The following ZFC3H1 variants were observed in gnomAD, a reference collection of about 807,000 sequenced individuals.
ZFC3H1 encodes the protein zinc finger C3H1-type containing, also known as zinc finger C3H1 domain-containing protein.
Under a neutral mutation model 243.7 loss-of-function variants are expected in ZFC3H1, and 71 were observed. That is an observed-to-expected ratio of 0.29 (90% CI 0.24 to 0.36). The LOEUF (loss-of-function observed/expected upper bound fraction) is 0.36. Ranked by LOEUF, ZFC3H1 falls within the 10% of genes least tolerant of loss-of-function variation. The pLI, the probability that ZFC3H1 is intolerant of heterozygous loss-of-function variation, is 1.00. For synonymous variants in ZFC3H1, 838 were observed against 813.0 expected, an observed-to-expected ratio of 1.03 and a Z score of -0.52; for missense variants, 1,966 against 2,317.1, an observed-to-expected ratio of 0.85 and a Z score of 3.11.
chr12:71,657,395 T>A, intron 1 of ZFC3H1, 94 bp from the exon 2 acceptor site: 1 of 954,450 alleles, frequency 1.0e-6, no homozygotes, highest in Non-Finnish European at 1.5e-6. Flanking sequence ...TCTCCCTTTT[T>A]AATTTTTCAA....
intron 2 of ZFC3H1, among the ~76,000 whole-genome samples, chr12:71,649,581 A>G (rs571955389): frequency 3.9e-5 from 6 of 152,110 alleles, no homozygotes; most frequent in Non-Finnish European, 8.8e-5. Flanking sequence ...CACACACCCT[A>G]TTGTTTTTAT....
rs932738693 is a variant in ZFC3H1 at position 71,631,845 on chromosome 12, T to C, written c.3403A>G (p.Thr1135Ala). 1 of 1,613,798 alleles carries C rather than the reference T, an allele frequency of 6.2e-7. No homozygotes were observed. Among genetic ancestry groups the C allele is most frequent in the Non-Finnish European group, 8.5e-7 (1 of 1,179,806 alleles). The change falls in exon 16 of 35, where the codon ACA (threonine) becomes GCA (alanine). Residue 1135 changes from threonine (T) to alanine (A), a missense_variant. Around this residue, in one of 4 missense-constraint regions of ZFC3H1, gnomAD observed 1,383 missense variants for 1,723.7 expected, o/e 0.80. Coordinates refer to ENST00000378743, the MANE Select transcript of ZFC3H1 (RefSeq NM_144982.5). ...DVDFVTAQSK[T>A]MEVKPCPFRP... ...AAAGGACATGGCTTCACTTCCATTG[T>C]TTTACTTTGTGCTGTGACAAAATCC...
intron 5 of ZFC3H1, 113 bp from the exon 6 acceptor site, chr12:71,642,672 G>GT: frequency 8.1e-7 from 1 of 1,229,686 alleles, no homozygotes; most frequent in Non-Finnish European, 1.1e-6. Context: ...TGGTGATTCA[G>GT]TTAGATGTGC....
intron 7 of ZFC3H1, among the ~76,000 whole-genome samples, chr12:71,637,689 G>A (rs987288527): frequency 3.3e-5 from 5 of 152,092 alleles, no homozygotes; most frequent in Admixed American, 6.5e-5. Context: ...ACATTACAAC[G>A]AAGAAAGTGC....
intron 9 of ZFC3H1, 112 bp from the exon 10 acceptor site, chr12:71,635,692 CT>C: frequency 9.4e-7 from 1 of 1,059,908 alleles, no homozygotes; most frequent in Non-Finnish European, 1.3e-6. Flanking sequence ...ATGGCTCCTT[CT>C]AGGGTTGTAT....
intron 7 of ZFC3H1, 30 bp downstream of exon 7, chr12:71,638,388 T>C (rs372516790): frequency 1.2e-4 from 192 of 1,592,744 alleles, no homozygotes; most frequent in Middle Eastern, 1.7e-4. Flanking sequence ...CAAGACAAAA[T>C]AATTTTCTTA....
chr12:71,615,345 A>C (rs746344179), intron 27 of ZFC3H1, 29 bp from the exon 28 acceptor site: 1 of 1,403,872 alleles, frequency 7.1e-7, no homozygotes, highest in Non-Finnish European at 1.0e-6. Context: ...ATATTGTTTT[A>C]AATTACACCT....
In ZFC3H1 at chr12:71,632,887, C is replaced by T. The variant is rs775005573; in HGVS notation, c.2816G>A (p.Gly939Glu). Residue 939 changes from glycine to glutamate, a missense_variant and splice_region_variant, in exon 14 of 35, where the codon GGG becomes GAG. Coordinates refer to ENST00000378743, the MANE Select transcript of ZFC3H1 (RefSeq NM_144982.5). Reference protein sequence around the residue: ...GKRKLEQDRFGPNKMMRLDSS... With the variant: ...GKRKLEQDRFEPNKMMRLDSS... ...AAAATATTTCTATAAAACCCTCACC[C>T]CAAAGCGATCTTGTTCCAGTTTACG... 5.6e-6 allele frequency: 9 copies of T among 1,611,516 alleles called. No homozygotes were observed. The South Asian group carries it at 1.0e-4, about 18-fold the overall frequency.
chr12:71,647,054 T>C (rs1592599572), intron 3 of ZFC3H1, among the ~76,000 whole-genome samples: 1 of 152,336 alleles, frequency 6.6e-6, no homozygotes, highest in East Asian at 1.9e-4. Flanking sequence ...ATGTGTACGT[T>C]ATATTATCAT....
intron 2 of ZFC3H1, among the ~76,000 whole-genome samples, chr12:71,649,066 G>A (rs184942330): frequency 1.4e-5 from 2 of 146,158 alleles, no homozygotes; most frequent in East Asian, 4.1e-4. Flanking sequence ...ACTCCATCCT[G>A]GGTAACAGAG....
At position 71,610,265 on chromosome 12, in the gene ZFC3H1, T is replaced by C. The variant is rs1427559659; in HGVS notation, c.*163A>G. On this transcript the variant is annotated 3_prime_UTR_variant, in exon 35 of 35. Transcript: ENST00000378743. The stretch of plus-strand genomic sequence containing the variant: ...ATCCAACCGAAGAGGATCATGTTCA[T>C]TGCTTCCGGTTTTGAGGACAGGATA... 3 of 812,238 alleles carry C rather than the reference T, an allele frequency of 3.7e-6. No homozygotes were observed. The highest frequency in any genetic ancestry group is 3.8e-6 in the Non-Finnish European group (2 of 532,808). 50.3% of individuals were successfully genotyped at this position (812,238 alleles called of 1,614,324 possible).
rs1555179527 is a variant in ZFC3H1 at position 71,627,949 on chromosome 12, A to G, written c.3947-15T>C. On this transcript the variant is annotated splice_polypyrimidine_tract_variant and intron_variant, in intron 20 of 34. Transcript: ENST00000378743. Reference sequence around the variant, plus strand: ...TGGCTGGAAAGCTATTTAAAAAAAAAGTATTATTAGCTTCACATTTTCTTT... The same window carrying G: ...TGGCTGGAAAGCTATTTAAAAAAAAGGTATTATTAGCTTCACATTTTCTTT... The G allele has an allele frequency of 2.5e-6, 4 of 1,606,144 alleles. No individual in the cohort carries two copies. The highest frequency in any genetic ancestry group is 2.2e-5 in the South Asian group (2 of 89,366).
chr12:71,625,119 T>TA (rs147747974), intron 22 of ZFC3H1, among the ~76,000 whole-genome samples: 1,698 of 151,710 alleles, frequency 0.011, 26 homozygotes, highest in African/African-American at 0.038. Context: ...TGCTCTAGGT[T>TA]AAAAAAAAAT....
chr12:71,654,981 TAAAGCAA>T (rs1325425796), intron 2 of ZFC3H1, among the ~76,000 whole-genome samples: 1 of 152,090 alleles, frequency 6.6e-6, no homozygotes, highest in Non-Finnish European at 1.5e-5. Flanking sequence ...TCAAAGTATT[TAAAGCAA>T]AAAGTAAAAA....
chr12:71,624,036 T>C (rs1253130143), intron 23 of ZFC3H1, 68 bp downstream of exon 23: 5 of 1,422,720 alleles, frequency 3.5e-6, no homozygotes, highest in South Asian at 1.4e-5. Flanking sequence ...AATAATGCTA[T>C]GGATAACGGT....
At chr12:71,649,346 C>A (rs1201224136) in intron 2 of ZFC3H1, among the ~76,000 whole-genome samples, 1 of 152,172 alleles carries the variant, frequency 6.6e-6, no homozygotes, top group Non-Finnish European at 1.5e-5. Flanking sequence ...TCAGGTAACA[C>A]TCCTTGTTTT....
intron 24 of ZFC3H1, among the ~76,000 whole-genome samples, chr12:71,621,592 C>G (rs949256410): frequency 2.6e-5 from 4 of 152,088 alleles, no homozygotes; most frequent in African/African-American, 9.7e-5. Context: ...AGATGTGAGG[C>G]ACCACGCACG....
rs771475334 is a variant in ZFC3H1 at position 71,614,944 on chromosome 12, T to A, written c.5256-6A>T. The A allele has an allele frequency of 1.2e-6, 2 of 1,608,068 alleles. No homozygotes were observed. The highest frequency in any genetic ancestry group is 2.7e-5 in the African/African-American group (2 of 74,742). Reference sequence around the variant, plus strand: ...ATTGAAGAGGATGACAAAGGCTGTTTAAAAAATGAAGGAAAACATATGTCT... The same window carrying A: ...ATTGAAGAGGATGACAAAGGCTGTTAAAAAAATGAAGGAAAACATATGTCT... On this transcript the variant is annotated splice_polypyrimidine_tract_variant and splice_region_variant and intron_variant, in intron 28 of 34. Transcript: ENST00000378743.
chr12:71,658,142 A>C (rs1881068415), intron 1 of ZFC3H1, among the ~76,000 whole-genome samples: 1 of 152,184 alleles, frequency 6.6e-6, no homozygotes, highest in African/African-American at 2.4e-5. Context: ...CTTTTTCCTT[A>C]GAAACAGCTA....
Sources: allele counts gnomAD v4.1 joint callset (sites outside exome capture counted in the v4.1 genomes callset), GRCh38; gene constraint gnomAD v4.1.1; regional missense constraint gnomAD v4.1.1; transcripts MANE v1.5; gene names NCBI Gene and HGNC (gene_info 2026-07-23, HGNC 2026-07-21).